Variants in CTNNA2 observed in about 807,000 individuals in gnomAD.
CTNNA2 encodes the protein catenin alpha-2.
In CTNNA2, 42 loss-of-function variants were observed where a neutral mutation model predicts 101.0. That is an observed-to-expected ratio of 0.42 (90% CI 0.32 to 0.54). The LOEUF (loss-of-function observed/expected upper bound fraction) is 0.54, where lower values mean the gene tolerates loss of function less well. Among genes scored for constraint, CTNNA2 ranks in the 20% least tolerant of loss-of-function variants. The probability of loss-of-function intolerance (pLI) is 0.14; values close to 1 mark genes in which losing one functional copy is unlikely to be tolerated. For synonymous variants in CTNNA2, 450 were observed against 456.4 expected (o/e 0.99, Z 0.18); for missense variants, 871 against 1,223.1 (o/e 0.71, Z 4.29).
At chr2:79,378,328 A>G (rs1678001777) in intron 4 of CTNNA2, among the ~76,000 whole-genome samples, 1 of 152,198 alleles carries the variant, frequency 6.6e-6, no homozygotes, top group Non-Finnish European at 1.5e-5. Flanking sequence ...AGAGTCCCCT[A>G]AGTAGCAACA....
At chr2:79,343,723 G>GATTATC (rs1677190351) in intron 3 of CTNNA2, among the ~76,000 whole-genome samples, 1 of 147,948 alleles carries the variant, frequency 6.8e-6, no homozygotes, top group Non-Finnish European at 1.5e-5. Flanking sequence ...AGACACGGAC[G>GATTATC]ATTATTATTA....
intron 6 of CTNNA2, among the ~76,000 whole-genome samples, chr2:79,900,519 A>G (rs1025193552): frequency 1.1e-4 from 16 of 152,288 alleles, no homozygotes; most frequent in Admixed American, 4.6e-4. Flanking sequence ...CAAAGCTAAC[A>G]TTTCTATAGT....
At chr2:80,145,801 T>C (rs1703295691) in intron 7 of CTNNA2, among the ~76,000 whole-genome samples, 1 of 152,224 alleles carries the variant, frequency 6.6e-6, no homozygotes, top group Non-Finnish European at 1.5e-5. Context: ...ACAGAAAAGG[T>C]TTCATTTTTC....
In CTNNA2 at chr2:79,349,210, G is replaced by T. The variant is rs180802244; in HGVS notation, c.-317-24621G>T. ...TGGATAGGGTATTGCAGCATCAGTA[G>T]GTAATGAGATTGGGAAGAACATTTT... On this transcript the variant is annotated intron_variant, in intron 3 of 21. Coordinates refer to the CTNNA2 transcript ENST00000466387. 2.6e-5 allele frequency among the ~76,000 whole-genome samples: 4 copies of T among 152,266 alleles called. No individual in the cohort carries two copies. In the East Asian group the frequency reaches 7.7e-4, roughly 29 times the overall value.
intron 1 of CTNNA2, among the ~76,000 whole-genome samples, chr2:79,631,609 A>C (rs1198078625): frequency 6.6e-6 from 1 of 152,216 alleles, no homozygotes; most frequent in African/African-American, 2.4e-5. Flanking sequence ...CATGTACAAG[A>C]AATGCTAACT....
chr2:79,213,655 A>G (rs993305217), intron 2 of CTNNA2, among the ~76,000 whole-genome samples: 3 of 152,160 alleles, frequency 2.0e-5, no homozygotes, highest in Non-Finnish European at 4.4e-5. Context: ...AATTGGGTGA[A>G]TGTCAGGTGG....
chr2:80,644,307 G>GT (rs1246577879), intron 18 of CTNNA2, among the ~76,000 whole-genome samples: 3 of 152,146 alleles, frequency 2.0e-5, no homozygotes, highest in African/African-American at 7.2e-5. Context: ...CAGGCGTCTA[G>GT]TAAGTGCTCA....
At chr2:79,320,638 C>T (rs1676599369) in intron 3 of CTNNA2, among the ~76,000 whole-genome samples, 1 of 152,134 alleles carries the variant, frequency 6.6e-6, no homozygotes, top group Non-Finnish European at 1.5e-5. Flanking sequence ...TGTTGGAATC[C>T]ACCGGCAAGA....
chr2:79,512,890 G>C (rs892360939), upstream of CTNNA2: 2 of 151,254 alleles, frequency 1.3e-5, no homozygotes, highest in African/African-American at 2.4e-5. Flanking sequence ...CCGCGGGGGC[G>C]CGCGAGCGAG....
At chr2:80,232,341 G>GTTTTTTTTTTTTTTTTT (rs1286822049) in intron 7 of CTNNA2, among the ~76,000 whole-genome samples, 21 of 82,002 alleles carry the variant, frequency 2.6e-4, no homozygotes, top group East Asian at 1.2e-3. Flanking sequence ...TTGTTTGTTT[G>GTTTTTTTTTTTTTTTTT]TTTGTTTTTT....
At chr2:80,420,626 C>G (rs1680443845) in intron 9 of CTNNA2, among the ~76,000 whole-genome samples, 1 of 151,840 alleles carries the variant, frequency 6.6e-6, no homozygotes, top group African/African-American at 2.4e-5. Flanking sequence ...AATGTGAAAT[C>G]CTCTCTGCTT....
intron 7 of CTNNA2, among the ~76,000 whole-genome samples, chr2:80,388,958 C>T (rs930980386): frequency 6.6e-6 from 1 of 152,174 alleles, no homozygotes; most frequent in Non-Finnish European, 1.5e-5. Flanking sequence ...TTCTGCCCCT[C>T]ATTTCACCTC....
intron 7 of CTNNA2, among the ~76,000 whole-genome samples, chr2:79,928,469 C>T (rs968761085): frequency 1.3e-5 from 2 of 152,138 alleles, no homozygotes; most frequent in African/African-American, 4.8e-5. Context: ...TTCATTATTT[C>T]TGATTTGAAA....
intron 9 of CTNNA2, among the ~76,000 whole-genome samples, chr2:80,436,902 A>G (rs940583056): frequency 3.9e-5 from 6 of 152,186 alleles, no homozygotes; most frequent in African/African-American, 1.4e-4. Flanking sequence ...TTTTGGAGAG[A>G]AAAACAGTCA....
At chr2:80,330,836 T>C (rs1237076694) in intron 7 of CTNNA2, among the ~76,000 whole-genome samples, 1 of 152,112 alleles carries the variant, frequency 6.6e-6, no homozygotes, top group African/African-American at 2.4e-5. Context: ...GGGTCAGTAA[T>C]GAGTTTAGAG....
intron 7 of CTNNA2, among the ~76,000 whole-genome samples, chr2:80,003,394 G>A (rs1183761942): frequency 2.0e-5 from 3 of 152,092 alleles, no homozygotes; most frequent in Non-Finnish European, 4.4e-5. Flanking sequence ...AGTATCCCTG[G>A]AAGGTAGAAC....
intron 6 of CTNNA2, among the ~76,000 whole-genome samples, chr2:79,883,373 T>C (rs965215788): frequency 9.9e-5 from 15 of 152,196 alleles, no homozygotes; most frequent in Admixed American, 9.8e-4. Flanking sequence ...TCTACATGAA[T>C]AGTTGATGTA....
intron 7 of CTNNA2, among the ~76,000 whole-genome samples, chr2:79,915,083 T>C (rs554507653): frequency 2.6e-5 from 4 of 152,082 alleles, no homozygotes; most frequent in Admixed American, 2.0e-4. Flanking sequence ...TCCACAACAC[T>C]AGATGAGTAA....
chr2:79,943,006 C>A (rs139161375), intron 7 of CTNNA2, among the ~76,000 whole-genome samples: 1 of 152,044 alleles, frequency 6.6e-6, no homozygotes, highest in Admixed American at 6.6e-5. Flanking sequence ...CACCTGAGGT[C>A]AGAAGTTCAA....
Sources: allele counts gnomAD v4.1 joint callset (sites outside exome capture counted in the v4.1 genomes callset), GRCh38; gene constraint gnomAD v4.1.1; transcripts MANE v1.5; gene names NCBI Gene and HGNC (gene_info 2026-07-23, HGNC 2026-07-21).